Variants in AFF3 observed in about 807,000 individuals in gnomAD.
AFF3 encodes the protein AF4/FMR2 family member 3.
In AFF3, 32 loss-of-function variants were observed where a neutral mutation model predicts 129.7. The ratio of observed to expected loss-of-function variants is 0.25; its 90% CI spans 0.19 to 0.33. The LOEUF is 0.33. AFF3 is among the 10% of genes least tolerant of loss of function. AFF3 has a pLI of 1.00. For missense variants in AFF3, 1,373 were observed against 1,592.0 expected (o/e 0.86, Z 2.34); for synonymous variants, 644 against 635.4 (o/e 1.01, Z -0.20).
rs150996124 is a variant in AFF3 at position 99,707,475 on chromosome 2, G to T, written c.1091+19602C>A. The T allele has an allele frequency of 2.4e-5, 24 of 985,292 alleles. 1 individual carries two copies. In the East Asian group the frequency reaches 2.5e-3, roughly 102 times the overall value. 61.0% of individuals were successfully genotyped at this position (985,292 alleles called of 1,614,324 possible). ...TTCAGCACGAGGCAAACAAACAAAA[G>T]GTTATCCACGAAGTTTCAAACGCGT... is the stretch of plus-strand genomic sequence containing the variant. On this transcript the variant is annotated intron_variant, in intron 11 of 24. Coordinates refer to ENST00000672756, the MANE Select transcript of AFF3 (RefSeq NM_001386135.1).
At chr2:99,576,512 T>C (rs1677011490) in intron 18 of AFF3, among the ~76,000 whole-genome samples, 1 of 127,860 alleles carries the variant, frequency 7.8e-6, no homozygotes, top group Admixed American at 8.3e-5. Context: ...CAAGACCCTG[T>C]CTCAAAAAAA....
rs150497459 is a variant in AFF3, at chr2:99,788,092, G to A, written c.922-35791C>T. Among the ~76,000 whole-genome samples, 6 of 152,196 alleles carry A rather than the reference G, an allele frequency of 3.9e-5. No homozygotes were observed. The East Asian group carries it at 5.8e-4, about 15-fold the overall frequency. ...ATGCTGGCGTAAATAAACCTAATGC[G>A]ATGCCAGTCATATAAAAGTATGGCA... On this transcript the variant is annotated intron_variant, in intron 8 of 24. Transcript: ENST00000672756.
chr2:99,861,842 T>C (rs1691023886), intron 7 of AFF3, among the ~76,000 whole-genome samples: 2 of 152,180 alleles, frequency 1.3e-5, no homozygotes, highest in African/African-American at 4.8e-5. Flanking sequence ...GTTTTTGTCA[T>C]TCTTTTGCTT....
chr2:99,897,859 T>C (rs375977096), intron 7 of AFF3, among the ~76,000 whole-genome samples: 2 of 152,278 alleles, frequency 1.3e-5, no homozygotes, highest in South Asian at 2.1e-4. Flanking sequence ...AAAAAAGATG[T>C]AGGCAAATGA....
chr2:99,767,807 C>T (rs998407396), intron 8 of AFF3, among the ~76,000 whole-genome samples: 3 of 152,064 alleles, frequency 2.0e-5, no homozygotes, highest in South Asian at 2.1e-4. Context: ...TAGCTGGGTG[C>T]GGTGGCAGGC....
intron 13 of AFF3, among the ~76,000 whole-genome samples, chr2:99,644,367 G>T (rs1684499673): frequency 6.6e-6 from 1 of 151,818 alleles, no homozygotes; most frequent in Admixed American, 6.6e-5. Flanking sequence ...TTTTTTTTAA[G>T]TCAAGCATAA....
At chr2:99,716,492 T>C (rs909724913) in intron 11 of AFF3, among the ~76,000 whole-genome samples, 12 of 152,120 alleles carry the variant, frequency 7.9e-5, no homozygotes, top group African/African-American at 2.9e-4. Context: ...TTAGAGAGGA[T>C]AACACATGTC....
At chr2:99,730,206 G>T (rs769760906) in intron 10 of AFF3, among the ~76,000 whole-genome samples, 15 of 152,110 alleles carry the variant, frequency 9.9e-5, no homozygotes, top group Non-Finnish European at 1.9e-4. Flanking sequence ...AGGTACCCTC[G>T]CCAGTGAGAC....
At chr2:100,013,801 C>A (rs535503354) in intron 4 of AFF3, among the ~76,000 whole-genome samples, 1 of 152,328 alleles carries the variant, frequency 6.6e-6, no homozygotes, top group African/African-American at 2.4e-5. Flanking sequence ...ACAGCTCACA[C>A]ACAAAGCAGA....
At chr2:100,106,522 C>T (rs1691307978) in intron 2 of AFF3, 3 of 1,000,582 alleles carry the variant, frequency 3.0e-6, no homozygotes, top group Middle Eastern at 5.2e-4. Context: ...AAAGTGAGAT[C>T]GAGACATTGA....
rs1211479022 is a variant in AFF3 at position 99,547,388 on chromosome 2, C to G, written c.*4086G>C. 4.6e-6 allele frequency: 1 copy of G among 217,506 alleles called. No homozygotes were observed. The highest frequency in any genetic ancestry group is 5.8e-5 in the Admixed American group (1 of 17,220). The allele number at this position is 217,506 out of a possible 1,614,324, so 13.5% of individuals were successfully genotyped here. A position where few individuals can be genotyped will look rare whatever the true frequency, so the allele number is the denominator to read the frequency against. ...AATTAAGTCACAATAATATCCTGTA[C>G]ATGCATTAAGGCTGGTGACTGCTAA... is the stretch of plus-strand genomic sequence containing the variant. On this transcript the variant is annotated 3_prime_UTR_variant, in exon 25 of 25. Coordinates refer to ENST00000672756, the MANE Select transcript of AFF3 (RefSeq NM_001386135.1).
intron 7 of AFF3, among the ~76,000 whole-genome samples, chr2:99,900,542 GACA>G (rs1168962325): frequency 6.6e-6 from 1 of 152,038 alleles, no homozygotes; most frequent in Non-Finnish European, 1.5e-5. Context: ...TGCCCATAGC[GACA>G]ACGTTTTTCA....
At chr2:99,632,433 A>C (rs1683210551) in intron 13 of AFF3, among the ~76,000 whole-genome samples, 1 of 152,192 alleles carries the variant, frequency 6.6e-6, no homozygotes, top group South Asian at 2.1e-4. Context: ...CACTTTTAAG[A>C]GTGAAGGAGG....
chr2:99,864,218 T>C (rs1038367165), intron 7 of AFF3, among the ~76,000 whole-genome samples: 1 of 152,220 alleles, frequency 6.6e-6, no homozygotes, highest in African/African-American at 2.4e-5. Flanking sequence ...GGGGAATAAG[T>C]TCAAGGTCTA....
intron 7 of AFF3, among the ~76,000 whole-genome samples, chr2:99,845,960 G>C (rs1392268750): frequency 6.6e-6 from 1 of 151,928 alleles, no homozygotes; most frequent in Non-Finnish European, 1.5e-5. Flanking sequence ...AGCCTCCCGA[G>C]TAGCTGGGAC....
At chr2:99,577,401 T>C (rs1255503398) in intron 18 of AFF3, among the ~76,000 whole-genome samples, 1 of 152,144 alleles carries the variant, frequency 6.6e-6, no homozygotes, top group Non-Finnish European at 1.5e-5. Flanking sequence ...AGGGCCCCGC[T>C]GAGCGAGCTG....
chr2:100,082,632 T>C (rs1689121225), intron 4 of AFF3, among the ~76,000 whole-genome samples: 1 of 152,068 alleles, frequency 6.6e-6, no homozygotes, highest in Admixed American at 6.5e-5. Flanking sequence ...TATTGCATAA[T>C]GGAGGGGAAA....
intron 13 of AFF3, among the ~76,000 whole-genome samples, chr2:99,646,741 G>A (rs1684729611): frequency 2.6e-5 from 4 of 152,062 alleles, no homozygotes; most frequent in Admixed American, 2.6e-4. Flanking sequence ...AGAAAATATT[G>A]GTTTATTCAA....
chr2:100,007,605 T>C, intron 5 of AFF3, 145 bp from the exon 6 acceptor site: 1 of 726,760 alleles, frequency 1.4e-6, no homozygotes, highest in East Asian at 2.6e-5. Flanking sequence ...CCTTATCGTC[T>C]CTGAAGATGT....
Sources: allele counts gnomAD v4.1 joint callset (sites outside exome capture counted in the v4.1 genomes callset), GRCh38; gene constraint gnomAD v4.1.1; transcripts MANE v1.5; gene names NCBI Gene and HGNC (gene_info 2026-07-23, HGNC 2026-07-21).